Variants in OGDHL observed in about 807,000 individuals in gnomAD.
The protein encoded by OGDHL is 2-oxoglutarate dehydrogenase-like, mitochondrial.
A neutral mutation model predicts 109.6 loss-of-function variants in OGDHL; 79 were observed. That is an observed-to-expected ratio of 0.72 (90% confidence interval 0.60 to 0.87). The LOEUF (loss-of-function observed/expected upper bound fraction) is 0.87. OGDHL is among the 40% of genes least tolerant of loss of function. The probability of loss-of-function intolerance (pLI) is 0.00; values close to 1 mark genes in which losing one functional copy is unlikely to be tolerated. For missense variants in OGDHL, 1,275 were observed against 1,362.2 expected (o/e 0.94, Z 1.01); for synonymous variants, 528 against 537.2 (o/e 0.98, Z 0.24).
chr10:49,749,398 G>A (rs1476762142), intron 8 of OGDHL, among the ~76,000 whole-genome samples: 5 of 152,172 alleles, frequency 3.3e-5, no homozygotes, highest in African/African-American at 7.2e-5. Context: ...TGGTGGACAG[G>A]ACTTTGGACA....
chr10:49,744,839 C>T, intron 12 of OGDHL, 87 bp from the exon 13 acceptor site: 1 of 1,064,564 alleles, frequency 9.4e-7, no homozygotes, highest in Non-Finnish European at 1.4e-6. Context: ...GTCCTGGTCC[C>T]CATCACCAAG....
chr10:49,741,499 C>T (rs1841652273), intron 15 of OGDHL, among the ~76,000 whole-genome samples: 1 of 152,054 alleles, frequency 6.6e-6, no homozygotes, highest in Non-Finnish European at 1.5e-5. Context: ...CAGGAGCGGA[C>T]TGAGGCAGGA....
chr10:49,739,431 G>A, intron 17 of OGDHL: 1 of 495,822 alleles, frequency 2.0e-6, no homozygotes, highest in East Asian at 3.1e-5. Flanking sequence ...AACAGTGCCT[G>A]GCGCACAGCA....
At chr10:49,744,822 C>T in intron 12 of OGDHL, 70 bp from the exon 13 acceptor site, 5 of 1,233,100 alleles carry the variant, frequency 4.1e-6, no homozygotes, top group Admixed American at 1.7e-5. Context: ...TCCACTTGGA[C>T]TCGTAAGTCC....
rs1237656327 is a variant in OGDHL at position 49,750,955 on chromosome 10, G to A, written c.780C>T (p.Ser260=). The A allele has an allele frequency of 1.2e-6, 2 of 1,608,756 alleles. No homozygotes were observed. Among genetic ancestry groups the A allele is most frequent in the African/African-American group, 2.7e-5 (2 of 74,984 alleles). Reference sequence around the variant, plus strand: ...CCTCCAGGCCAAACCGCTTCTCTGAGGACCATTTCCGGGCCAGGAAGTCTT... The same window carrying A: ...CCTCCAGGCCAAACCGCTTCTCTGAAGACCATTTCCGGGCCAGGAAGTCTT... ...RFEDFLARKW[S]SEKRFGLEGC... The change falls in exon 7 of 23, where the codon TCC becomes TCT. Residue 260 remains serine, a synonymous_variant. Transcript: ENST00000374103.
In OGDHL at chr10:49,739,842, A is replaced by C; in HGVS notation, c.2141-3T>G. On this transcript the variant is annotated splice_region_variant and splice_polypyrimidine_tract_variant and intron_variant, in intron 16 of 22. Transcript: ENST00000374103. ...CATGGCATAGCCCAGCTCAAAGCCT[A>C]AACAGAAGACAAGATAGAGCTTGCT... 4 of 1,611,516 alleles carry C rather than the reference A, an allele frequency of 2.5e-6. No homozygotes were observed. Among genetic ancestry groups the C allele is most frequent in the Non-Finnish European group, 3.4e-6 (4 of 1,178,688 alleles).
chr10:49,736,428 A>G lies in OGDHL; in HGVS notation c.2683T>C (p.Tyr895His), dbSNP rs1564520320. The G allele has an allele frequency of 1.2e-6, 2 of 1,614,022 alleles. No individual in the cohort carries two copies. The highest frequency in any genetic ancestry group is 1.1e-5 in the South Asian group (1 of 91,078). ...QRLIFCTGKV[Y>H]YDLVKERSSQ... is the part of the protein sequence containing the mutation. ...CTCCGCTCCTTCACCAGGTCATAGT[A>G]CACCTTTCCCGTGCAGAAGATGAGC... is the stretch of plus-strand genomic sequence containing the variant. The change falls in exon 21 of 23, where the codon TAC becomes CAC. Residue 895 changes from tyrosine (Y) to histidine (H), a missense_variant. By Grantham distance (83) the Tyr-to-His change is moderately conservative. Transcript: ENST00000374103.
rs1226582721 is a variant in OGDHL, at chr10:49,736,423, A to G, written c.2688T>C (p.Tyr896=). The change falls in exon 21 of 23, where the codon TAT becomes TAC. Residue 896 remains tyrosine (Y), a synonymous_variant. Transcript: ENST00000374103. ...GGCTGCTCCGCTCCTTCACCAGGTC[A>G]TAGTACACCTTTCCCGTGCAGAAGA... ...RLIFCTGKVY[Y]DLVKERSSQD... is the part of the protein sequence containing the mutation. 1.9e-6 allele frequency: 3 copies of G among 1,614,118 alleles called. No homozygotes were observed. Among genetic ancestry groups the G allele is most frequent in the East Asian group, 4.5e-5 (2 of 44,856 alleles).
In OGDHL at chr10:49,738,177, G is replaced by C. The variant is rs1333551965; in HGVS notation, c.2391+14C>G. 5.6e-6 allele frequency: 9 copies of C among 1,614,148 alleles called. No individual in the cohort carries two copies. In the South Asian group the frequency reaches 9.9e-5, roughly 18 times the overall value. On this transcript the variant is annotated intron_variant, in intron 18 of 22. Transcript: ENST00000374103. ...AGGGCGCGTCCCTGTCCTGGGGACA[G>C]CAGCAACACTCACAGGGTAGGCATC...
intron 20 of OGDHL, among the ~76,000 whole-genome samples, chr10:49,736,756 G>A (rs1250946390): frequency 2.0e-5 from 3 of 152,296 alleles, no homozygotes; most frequent in South Asian, 2.1e-4. Flanking sequence ...GAAGCATCAC[G>A]TTTAAGGTGA....
Position 49,758,562 on chromosome 10 carries a change from G to C in OGDHL, c.31C>G (p.Leu11Val). 2 of 1,613,934 alleles carry C rather than the reference G, an allele frequency of 1.2e-6. No individual in the cohort carries two copies. Among genetic ancestry groups the C allele is most frequent in the South Asian group, 2.2e-5 (2 of 91,090 alleles). MSQLRLLPSR[L>V]GVQAARLLAA... ...AGGAGCCTCGCAGCCTGTACCCCAAGACGGGACGGCAGCAGCCTCAGCTGA... is the reference window on the plus strand; with the variant it reads ...AGGAGCCTCGCAGCCTGTACCCCAACACGGGACGGCAGCAGCCTCAGCTGA... The change falls in exon 2 of 23, where the codon CTT becomes GTT. Residue 11 changes from leucine (L) to valine (V), a missense_variant. Coordinates refer to ENST00000374103, the MANE Select transcript of OGDHL (RefSeq NM_018245.3).
At chr10:49,746,608 G>A in intron 10 of OGDHL, 142 bp downstream of exon 10, 6 of 1,108,784 alleles carry the variant, frequency 5.4e-6, no homozygotes, top group Non-Finnish European at 7.6e-6. Flanking sequence ...GGACACCAAG[G>A]CTGGAAAGAG....
chr10:49,746,885 G>A lies in OGDHL; in HGVS notation c.1168-7C>T, dbSNP rs373046560. ...GAACCAGGATGGACATGACCTGCAG[G>A]GCAGGTGTGAGCCAGGAGGGGCTGC... On this transcript the variant is annotated splice_polypyrimidine_tract_variant and splice_region_variant and intron_variant, in intron 9 of 22. Transcript: ENST00000374103. 8.7e-6 allele frequency: 14 copies of A among 1,614,110 alleles called. No individual in the cohort carries two copies. Among genetic ancestry groups the A allele is most frequent in the African/African-American group, 6.7e-5 (5 of 75,062 alleles).
intron 6 of OGDHL, 144 bp from the exon 7 acceptor site, chr10:49,751,129 A>G: frequency 1.3e-6 from 1 of 760,126 alleles, no homozygotes; most frequent in Non-Finnish European, 2.1e-6. Context: ...TACATGGTCC[A>G]GGGCCCACCA....
chr10:49,751,088 G>T, intron 6 of OGDHL, 103 bp from the exon 7 acceptor site: 3 of 1,106,734 alleles, frequency 2.7e-6, no homozygotes, highest in Non-Finnish European at 3.8e-6. Context: ...GAATGCTGAG[G>T]ACAGAGGAAG....
chr10:49,737,665 C>A (rs1026611593), intron 20 of OGDHL, 121 bp downstream of exon 20: 37 of 1,057,914 alleles, frequency 3.5e-5, no homozygotes, highest in Middle Eastern at 5.8e-4. Context: ...ATGCCAGGAG[C>A]TGCTGCAGGT....
intron 22 of OGDHL, among the ~76,000 whole-genome samples, chr10:49,735,727 A>G (rs1283854490): frequency 2.0e-5 from 3 of 152,240 alleles, no homozygotes; most frequent in African/African-American, 7.2e-5. Flanking sequence ...GCCAGAGCTA[A>G]TACATACATC....
chr10:49,760,171 A>G (rs1370162583), intron 1 of OGDHL, among the ~76,000 whole-genome samples: 1 of 152,248 alleles, frequency 6.6e-6, no homozygotes, highest in Non-Finnish European at 1.5e-5. Flanking sequence ...GAAAATTTTC[A>G]AAACAAAAAA....
rs1301739014 is a variant in OGDHL, at chr10:49,742,271, AACACACAAC to A, written c.2012+548_2012+556del. Among the ~76,000 whole-genome samples the A allele has an allele frequency of 7.9e-4, 98 of 123,440 alleles. 1 individual carries two copies. The highest frequency in any genetic ancestry group is 2.9e-3 in the African/African-American group (95 of 32,420). The allele number at this position is 123,440 out of a possible 152,430, so 81.0% of individuals were successfully genotyped here. A position where few individuals can be genotyped will look rare whatever the true frequency, so the allele number is the denominator to read the frequency against. ...CACCACACATACCCCATACACACTC[AACACACAAC>A]ACACACCACACACACCACAAATGCA... On this transcript the variant is annotated intron_variant, in intron 15 of 22. Transcript: ENST00000374103.
Sources: gnomAD v4.1 joint callset for allele counts (sites outside exome capture counted in the v4.1 genomes callset) on GRCh38, gnomAD v4.1.1 for gene constraint, MANE v1.5 for transcripts, NCBI Gene and HGNC (gene_info 2026-07-23, HGNC 2026-07-21) for gene names.